MYT1L: variants seen among roughly 807,000 people sequenced by gnomAD.
The protein encoded by MYT1L is myelin transcription factor 1 like.
In MYT1L, 12 loss-of-function variants were observed where a neutral mutation model predicts 126.7. The observed-to-expected ratio is 0.09, with a 90% CI of 0.06 to 0.15. MYT1L has a LOEUF of 0.15. MYT1L is among the 10% of genes least tolerant of loss of function. The pLI, the probability that MYT1L is intolerant of heterozygous loss-of-function variation, is 1.00. For synonymous variants in MYT1L, 541 were observed against 604.2 expected, an observed-to-expected ratio of 0.90 and a Z score of 1.53; for missense variants, 979 against 1,585.2, an observed-to-expected ratio of 0.62 and a Z score of 6.49.
intron 5 of MYT1L, among the ~76,000 whole-genome samples, chr2:1,993,194 C>A (rs564099037): frequency 6.6e-5 from 10 of 152,188 alleles, no homozygotes; most frequent in Admixed American, 2.0e-4. Flanking sequence ...ATTGCAATTC[C>A]CCCGTCTTGG....
chr2:2,034,187 C>A lies in MYT1L; in HGVS notation c.-158+19791G>T, dbSNP rs183712321. On this transcript the variant is annotated intron_variant, in intron 4 of 24. Transcript: ENST00000647738. ...GCTAAGCAGAAAACGTCGGTATCGA[C>A]ACAATTCAGGCATATCCTCAAAGTT... Among the ~76,000 whole-genome samples the A allele has an allele frequency of 7.9e-4, 120 of 152,284 alleles. 1 individual carries two copies. Among genetic ancestry groups the A allele is most frequent in the Non-Finnish European group, 1.3e-3 (87 of 68,026 alleles).
Position 1,929,971 on chromosome 2 carries a change from T to C in MYT1L, c.506-6708A>G, listed in dbSNP as rs900326495. The stretch of plus-strand genomic sequence containing the variant: ...ATCTCTAAGATAATTTTCTGAGACA[T>C]AGGAAGATCCGTGTTTAGCAGGCAT... On this transcript the variant is annotated intron_variant, in intron 9 of 24. Coordinates refer to ENST00000647738, the MANE Select transcript of MYT1L (RefSeq NM_001303052.2). The surrounding 1 kb of genome is among the most constrained non-coding windows in gnomAD (Gnocchi z 4.7). Among the ~76,000 whole-genome samples the C allele has an allele frequency of 6.6e-6, 1 of 152,192 alleles. No homozygotes were observed. Among genetic ancestry groups the C allele is most frequent in the Non-Finnish European group, 1.5e-5 (1 of 68,040 alleles).
intron 14 of MYT1L, among the ~76,000 whole-genome samples, chr2:1,900,690 T>C (rs2050224960): frequency 6.6e-6 from 1 of 152,206 alleles, no homozygotes; most frequent in Non-Finnish European, 1.5e-5. Flanking sequence ...AATACATCCG[T>C]GTAACACTTG....
intron 19 of MYT1L, chr2:1,842,895 A>AGGCGCTTCCGCTTCCG (rs1558727338): frequency 6.0e-6 from 1 of 165,352 alleles, no homozygotes; most frequent in South Asian, 1.3e-4. Context: ...TTCCGCTTCC[A>AGGCGCTTCCGCTTCCG]GGCGCTTCCG....
chr2:2,255,680 G>A (rs895054756), intron 2 of MYT1L, among the ~76,000 whole-genome samples: 5 of 152,020 alleles, frequency 3.3e-5, no homozygotes, highest in Admixed American at 6.6e-5. Context: ...GCTATTTGTC[G>A]CACATACCCG....
At chr2:2,159,397 G>A (rs1575560981) in intron 3 of MYT1L, among the ~76,000 whole-genome samples, 1 of 152,268 alleles carries the variant, frequency 6.6e-6, no homozygotes, top group East Asian at 1.9e-4. Flanking sequence ...GTGCACAGAT[G>A]TGCTTTAAAT....
chr2:1,949,988 C>T (rs2057596237), intron 8 of MYT1L, among the ~76,000 whole-genome samples: 1 of 152,186 alleles, frequency 6.6e-6, no homozygotes, highest in African/African-American at 2.4e-5. Context: ...CACCGGTTTT[C>T]AACCAGCTCA....
intron 8 of MYT1L, among the ~76,000 whole-genome samples, chr2:1,945,039 C>T (rs1285444884): frequency 6.6e-6 from 1 of 152,058 alleles, no homozygotes; most frequent in Admixed American, 6.6e-5. Context: ...AAACAATCTG[C>T]GAAAGACATG....
At chr2:2,303,767 A>C (rs947390962) in intron 1 of MYT1L, 2 of 152,254 alleles carry the variant, frequency 1.3e-5, no homozygotes, top group Non-Finnish European at 2.9e-5. Context: ...AAATGACCAC[A>C]GTTCATAGTT....
At chr2:2,254,652 C>T (rs926359014) in intron 2 of MYT1L, among the ~76,000 whole-genome samples, 1 of 152,242 alleles carries the variant, frequency 6.6e-6, no homozygotes, top group East Asian at 1.9e-4. Context: ...TTTAAACACC[C>T]TGAAAAAGCC....
At chr2:2,180,856 GCCTGTGTGTGCACCTGTATCCGTA>G (rs1216480689) in intron 2 of MYT1L, among the ~76,000 whole-genome samples, 1 of 150,730 alleles carries the variant, frequency 6.6e-6, no homozygotes, top group South Asian at 2.1e-4. Flanking sequence ...ACCTGTGTAT[GCCTGTGTGTGCACCTGTATCCGTA>G]CCTGTGTGTG....
chr2:1,818,920 C>T (rs551854707), intron 21 of MYT1L, among the ~76,000 whole-genome samples: 15 of 152,304 alleles, frequency 9.8e-5, no homozygotes, highest in African/African-American at 2.4e-4. Context: ...GGCAGGTGGA[C>T]GCCTCGGCCA....
At chr2:2,039,090 G>C (rs751224840) in intron 4 of MYT1L, among the ~76,000 whole-genome samples, 1 of 152,202 alleles carries the variant, frequency 6.6e-6, no homozygotes. Context: ...ATGGAAGGCA[G>C]TCAGCAAGCA....
intron 8 of MYT1L, among the ~76,000 whole-genome samples, chr2:1,951,430 A>G (rs1303283953): frequency 6.6e-6 from 1 of 152,140 alleles, no homozygotes; most frequent in Non-Finnish European, 1.5e-5. Flanking sequence ...ACCCTCAGTC[A>G]TATCCACAGG....
At chr2:2,129,490 C>T (rs1212741273) in intron 3 of MYT1L, among the ~76,000 whole-genome samples, 1 of 152,124 alleles carries the variant, frequency 6.6e-6, no homozygotes, top group Non-Finnish European at 1.5e-5. Flanking sequence ...AAGGCACTGC[C>T]CTAGAGTGGA....
At chr2:2,096,760 G>A (rs1362327750) in intron 3 of MYT1L, among the ~76,000 whole-genome samples, 2 of 152,158 alleles carry the variant, frequency 1.3e-5, no homozygotes, top group Admixed American at 6.5e-5. Context: ...CTGTGTGCCA[G>A]GCACTCTGAG....
At chr2:1,954,825 G>C (rs2058196643) in intron 8 of MYT1L, among the ~76,000 whole-genome samples, 1 of 152,064 alleles carries the variant, frequency 6.6e-6, no homozygotes, top group African/African-American at 2.4e-5. Flanking sequence ...AGCACTTTGG[G>C]AGGCCGAGAT....
chr2:1,834,435 A>G (rs1236674069), intron 21 of MYT1L, among the ~76,000 whole-genome samples: 1 of 152,256 alleles, frequency 6.6e-6, no homozygotes, highest in Non-Finnish European at 1.5e-5. Context: ...CTGCCTATCT[A>G]TTAAAATTGA....
chr2:2,114,318 C>T (rs1394510065), intron 3 of MYT1L, among the ~76,000 whole-genome samples: 3 of 152,168 alleles, frequency 2.0e-5, no homozygotes, highest in Non-Finnish European at 2.9e-5. Context: ...AAACAAGTCC[C>T]AAGGTTACCA....
Sources: allele counts gnomAD v4.1 joint callset (sites outside exome capture counted in the v4.1 genomes callset), GRCh38; gene constraint gnomAD v4.1.1; non-coding constraint Gnocchi (gnomAD v3.1); transcripts MANE v1.5; gene names NCBI Gene and HGNC (gene_info 2026-07-23, HGNC 2026-07-21).